The following KIZ variants were observed in gnomAD, a reference collection of about 807,000 sequenced individuals.
KIZ encodes centrosomal protein kizuna.
KIZ carries 68 observed loss-of-function variants against 79.6 expected under a neutral mutation model. The observed-to-expected ratio is 0.85, with a 90% confidence interval of 0.70 to 1.05. The LOEUF is 1.05. KIZ is among the 50% of genes least tolerant of loss of function. The pLI is 0.00. For synonymous variants in KIZ, 280 were observed against 281.8 expected (o/e 0.99, Z 0.06); for missense variants, 797 against 800.4 (o/e 1.00, Z 0.05).
At chr20:21,235,565 C>G (rs1442882855) in intron 11 of KIZ, among the ~76,000 whole-genome samples, 3 of 152,288 alleles carry the variant, frequency 2.0e-5, no homozygotes, top group Non-Finnish European at 2.9e-5. Context: ...AACATTGTCT[C>G]GCTTTACCTT....
At chr20:21,229,801 C>G (rs957859769) in intron 10 of KIZ, among the ~76,000 whole-genome samples, 13 of 152,110 alleles carry the variant, frequency 8.5e-5, no homozygotes, top group Non-Finnish European at 1.8e-4. Flanking sequence ...GTCTCAAACT[C>G]CTGGACTCAA....
rs552753143 is a variant in KIZ at position 21,224,137 on chromosome 20, G to C, written c.1679-4874G>C. On this transcript the variant is annotated intron_variant, in intron 9 of 12. Coordinates refer to ENST00000619189, the MANE Select transcript of KIZ (RefSeq NM_018474.6). The stretch of plus-strand genomic sequence containing the variant: ...ACCTCCCGTGTAGCTGGGACTACAG[G>C]CACGCGCCACCATGCAGTGGTGCAG... Among the ~76,000 whole-genome samples, 13 of 151,990 alleles carry C rather than the reference G, an allele frequency of 8.6e-5. No homozygotes were observed. The South Asian group carries it at 2.7e-3, about 32-fold the overall frequency.
rs527643553 is a variant in KIZ, at chr20:21,241,978, T to C, written c.1881-2267T>C. 1.6e-4 allele frequency among the ~76,000 whole-genome samples: 24 copies of C among 152,352 alleles called. 1 individual carries two copies. In the South Asian group the frequency reaches 2.9e-3, roughly 18 times the overall value. The stretch of plus-strand genomic sequence containing the variant: ...AGAAATATGTAAATCAAGTATTATA[T>C]AATTGAATATTGATCAAATGCCTTT... On this transcript the variant is annotated intron_variant, in intron 11 of 12. Coordinates refer to ENST00000619189, the MANE Select transcript of KIZ (RefSeq NM_018474.6).
chr20:21,130,478 G>A (rs933702584), intron 1 of KIZ, among the ~76,000 whole-genome samples: 9 of 152,132 alleles, frequency 5.9e-5, no homozygotes, highest in African/African-American at 2.2e-4. Context: ...AAACTCTAGG[G>A]GGGGAATGGT....
intron 6 of KIZ, among the ~76,000 whole-genome samples, chr20:21,179,647 G>T (rs924603023): frequency 1.3e-5 from 2 of 151,590 alleles, no homozygotes; most frequent in African/African-American, 4.9e-5. Context: ...TCTACTTAAG[G>T]TGTGAAGTTA....
chr20:21,211,589 G>A (rs1274900316), intron 7 of KIZ, among the ~76,000 whole-genome samples: 4 of 152,126 alleles, frequency 2.6e-5, no homozygotes, highest in African/African-American at 9.7e-5. Flanking sequence ...CAGAGAATTA[G>A]CTCCAATTTG....
At chr20:21,176,546 A>G (rs918108530) in intron 6 of KIZ, among the ~76,000 whole-genome samples, 3 of 147,218 alleles carry the variant, frequency 2.0e-5, no homozygotes, top group Admixed American at 1.4e-4. Context: ...TTCAACAAAA[A>G]ACATTACAAG....
intron 10 of KIZ, among the ~76,000 whole-genome samples, chr20:21,231,645 C>T (rs2036836877): frequency 6.6e-6 from 1 of 152,108 alleles, no homozygotes; most frequent in Non-Finnish European, 1.5e-5. Context: ...TTGTCTTTTA[C>T]CCTTACTCTC....
chr20:21,205,649 A>G, intron 7 of KIZ, 65 bp downstream of exon 7: 1 of 659,576 alleles, frequency 1.5e-6, no homozygotes. Flanking sequence ...AAGGTTAGTA[A>G]TTTTTATTTA....
chr20:21,205,516 G>A lies in KIZ; in HGVS notation c.1378G>A (p.Val460Ile), dbSNP rs368781277. ...ACCTGGACAAACACCAGACTCAGAC[G>A]TACCGAGGGCACAGGTGGGTCAGCA... ...REPGQTPDSD[V>I]PRAQVGQHVA... Residue 460 changes from valine to isoleucine, a missense_variant, in exon 7 of 13, where the codon GTA (valine) becomes ATA (isoleucine). By Grantham distance (29) the Val-to-Ile change is conservative (BLOSUM62 3). Coordinates refer to ENST00000619189, the MANE Select transcript of KIZ (RefSeq NM_018474.6). The A allele has an allele frequency of 1.2e-4, 189 of 1,548,292 alleles. 1 individual carries two copies. The Admixed American group carries it at 2.4e-3, about 19-fold the overall frequency.
intron 6 of KIZ, among the ~76,000 whole-genome samples, chr20:21,203,195 T>C (rs1218185743): frequency 6.6e-6 from 1 of 152,208 alleles, no homozygotes; most frequent in Non-Finnish European, 1.5e-5. Context: ...CCTCTTTTAA[T>C]TTTGTGACAT....
intron 4 of KIZ, among the ~76,000 whole-genome samples, chr20:21,160,117 C>G (rs1326941927): frequency 1.3e-5 from 2 of 152,216 alleles, no homozygotes; most frequent in South Asian, 2.1e-4. Flanking sequence ...TCAGTCACCC[C>G]TGACACAGTT....
chr20:21,208,949 TACGGG>T (rs561376813), intron 7 of KIZ, among the ~76,000 whole-genome samples: 64 of 152,356 alleles, frequency 4.2e-4, no homozygotes, highest in African/African-American at 1.3e-3. Flanking sequence ...TGGTAAATAC[TACGGG>T]TTAAATCTTT....
chr20:21,188,362 A>T (rs574363223), intron 6 of KIZ, among the ~76,000 whole-genome samples: 27 of 152,340 alleles, frequency 1.8e-4, no homozygotes, highest in African/African-American at 6.5e-4. Context: ...TTCTTGGCCA[A>T]GCACAGTTCT....
intron 1 of KIZ, 68 bp from the exon 2 acceptor site, chr20:21,132,029 G>T: frequency 1.4e-6 from 1 of 714,960 alleles, no homozygotes; most frequent in South Asian, 1.8e-5. Context: ...TTTCAAAGAA[G>T]AGCATGGTCT....
intron 6 of KIZ, among the ~76,000 whole-genome samples, chr20:21,179,213 T>G (rs1277873803): frequency 1.3e-5 from 2 of 150,186 alleles, no homozygotes; most frequent in South Asian, 2.1e-4. Context: ...TTTTTTGTTT[T>G]TTTTTTTTTT....
chr20:21,185,195 G>T (rs1361837659), intron 6 of KIZ, among the ~76,000 whole-genome samples: 1 of 152,158 alleles, frequency 6.6e-6, no homozygotes, highest in Non-Finnish European at 1.5e-5. Context: ...GAGATGTGAG[G>T]AATAGTTCTG....
At position 21,170,391 on chromosome 20, in the gene KIZ, CT is replaced by C. The variant is rs1219875909; in HGVS notation, c.1352+7247del. Among the ~76,000 whole-genome samples the C allele has an allele frequency of 4.0e-3, 573 of 142,598 alleles. 1 individual carries two copies. The highest frequency in any genetic ancestry group is 7.2e-3 in the Middle Eastern group (2 of 276). 93.5% of individuals were successfully genotyped at this position (142,598 alleles called of 152,430 possible). ...TGCTATCAAATACCAAATACTAGAT[CT>C]TTTTTTTTTTTTTTGAGACGGAGTC... On this transcript the variant is annotated intron_variant, in intron 6 of 12. Coordinates refer to ENST00000619189, the MANE Select transcript of KIZ (RefSeq NM_018474.6).
chr20:21,162,404 A>G lies in KIZ; in HGVS notation c.939A>G (p.Glu313=), dbSNP rs780351048. Residue 313 remains glutamate (E), a synonymous_variant, in exon 5 of 13, where the codon GAA becomes GAG. Coordinates refer to ENST00000619189, the MANE Select transcript of KIZ (RefSeq NM_018474.6). ...ILTREHIEVE[E]KRASPPVSPI... ...CACGGGAACATATTGAAGTTGAGGA[A>G]AAAAGAGCCAGCCCGCCAGTCTCTC... The G allele has an allele frequency of 2.5e-6, 4 of 1,613,658 alleles. No individual in the cohort carries two copies. In the Middle Eastern group the frequency reaches 5.0e-4, roughly 200 times the overall value.
Sources: allele counts gnomAD v4.1 joint callset (sites outside exome capture counted in the v4.1 genomes callset), GRCh38; gene constraint gnomAD v4.1.1; transcripts MANE v1.5; gene names NCBI Gene and HGNC (gene_info 2026-07-23, HGNC 2026-07-21).